The following CDH4 variants were observed in gnomAD, a reference collection of about 807,000 sequenced individuals.
CDH4 encodes the protein cadherin-4.
CDH4 carries 33 observed loss-of-function variants against 86.0 expected under a neutral mutation model. The observed-to-expected ratio is 0.38, with a 90% confidence interval of 0.29 to 0.51. The LOEUF (loss-of-function observed/expected upper bound fraction) is 0.51, where lower values mean the gene tolerates loss of function less well. CDH4 is among the 20% of genes least tolerant of loss of function. CDH4 has a pLI of 0.86. For synonymous variants in CDH4, 555 were observed against 549.4 expected, an observed-to-expected ratio of 1.01 and a Z score of -0.14; for missense variants, 1,114 against 1,307.4, an observed-to-expected ratio of 0.85 and a Z score of 2.28.
At chr20:61,553,022 A>G (rs1022366472) in intron 2 of CDH4, among the ~76,000 whole-genome samples, 2 of 152,256 alleles carry the variant, frequency 1.3e-5, no homozygotes, top group African/African-American at 4.8e-5. Context: ...ATAGTAGTCA[A>G]ACAGTGGAAA....
intron 2 of CDH4, among the ~76,000 whole-genome samples, chr20:61,737,766 C>T (rs1271066909): frequency 6.6e-6 from 1 of 152,200 alleles, no homozygotes; most frequent in Non-Finnish European, 1.5e-5. Context: ...AGGTACTGAG[C>T]AAAGGGATCA....
rs151062737 is a variant in CDH4, at chr20:61,747,257, G to A, written c.396+3468G>A. Among the ~76,000 whole-genome samples the A allele has an allele frequency of 9.2e-3, 1,405 of 152,166 alleles. 23 individuals are homozygous for A. Among genetic ancestry groups the A allele is most frequent in the African/African-American group, 0.031 (1,304 of 41,514 alleles). On this transcript the variant is annotated intron_variant, in intron 3 of 15. Coordinates refer to ENST00000614565, the MANE Select transcript of CDH4 (RefSeq NM_001794.5). Reference sequence around the variant, plus strand: ...GAGATCGAGACCATCTGGCTAACACGGTGAAACTCTGTCTCTACTAAAAAT... The same window carrying A: ...GAGATCGAGACCATCTGGCTAACACAGTGAAACTCTGTCTCTACTAAAAAT...
intron 2 of CDH4, among the ~76,000 whole-genome samples, chr20:61,539,669 A>C (rs2086024600): frequency 6.6e-6 from 1 of 152,224 alleles, no homozygotes; most frequent in African/African-American, 2.4e-5. Context: ...TCAGCAAGGC[A>C]GCCACAGAGC....
At chr20:61,408,609 C>T (rs1469365257) in intron 2 of CDH4, among the ~76,000 whole-genome samples, 1 of 152,080 alleles carries the variant, frequency 6.6e-6, no homozygotes, top group East Asian at 1.9e-4. Context: ...ATAACCAGGC[C>T]CTGTGTTAGT....
chr20:61,877,382 C>G (rs1189445952), intron 7 of CDH4, among the ~76,000 whole-genome samples: 1 of 140,538 alleles, frequency 7.1e-6, no homozygotes, highest in East Asian at 2.5e-4. Flanking sequence ...CCACCCCCCG[C>G]TGTCGGCAGC....
In CDH4 at chr20:61,663,006, T is replaced by C. The variant is rs995144627; in HGVS notation, c.170-80557T>C. Among the ~76,000 whole-genome samples, 1 of 152,120 alleles carries C rather than the reference T, an allele frequency of 6.6e-6. No individual in the cohort carries two copies. Among genetic ancestry groups the C allele is most frequent in the African/African-American group, 2.4e-5 (1 of 41,432 alleles). The stretch of plus-strand genomic sequence containing the variant: ...CTCCTCCTCCCCTCCCCACAGGCAC[T>C]GGCACAGCGGCCCGGGGTAGAACCC... On this transcript the variant is annotated intron_variant, in intron 2 of 15. Transcript: ENST00000614565. This position sits in a 1 kb window ranked among gnomAD's most constrained non-coding sequence, Gnocchi z 5.0.
intron 2 of CDH4, among the ~76,000 whole-genome samples, chr20:61,619,468 A>G (rs957709998): frequency 2.6e-5 from 4 of 152,208 alleles, no homozygotes; most frequent in African/African-American, 9.7e-5. Context: ...TAAAAGCAAA[A>G]TGATGATTAG....
At chr20:61,844,499 C>T (rs1044052532) in intron 4 of CDH4, among the ~76,000 whole-genome samples, 169 bp from the exon 5 acceptor site, 5 of 152,106 alleles carry the variant, frequency 3.3e-5, no homozygotes, top group Non-Finnish European at 5.9e-5. Context: ...CCCTGACCAC[C>T]GACTGTCCTT....
At chr20:61,545,378 C>G (rs975963067) in intron 2 of CDH4, among the ~76,000 whole-genome samples, 7 of 152,230 alleles carry the variant, frequency 4.6e-5, no homozygotes, top group Non-Finnish European at 1.0e-4. Context: ...CTTTGGCCAG[C>G]CTGTCGGAGT....
At chr20:61,304,569 G>GA (rs949326542) in intron 2 of CDH4, among the ~76,000 whole-genome samples, 25 of 152,130 alleles carry the variant, frequency 1.6e-4, no homozygotes, top group African/African-American at 4.3e-4. Flanking sequence ...TTTGAACTCT[G>GA]AATTGTACTA....
intron 2 of CDH4, among the ~76,000 whole-genome samples, chr20:61,593,210 C>T (rs1389303615): frequency 2.0e-5 from 3 of 152,236 alleles, no homozygotes; most frequent in East Asian, 1.9e-4. Flanking sequence ...AACTCACACA[C>T]GCTCATGGGC....
intron 2 of CDH4, among the ~76,000 whole-genome samples, chr20:61,286,433 C>T (rs762948294): frequency 1.5e-4 from 23 of 152,230 alleles, no homozygotes; most frequent in Non-Finnish European, 2.5e-4. Flanking sequence ...CCAGACCCAG[C>T]CACCGCAGCT....
intron 2 of CDH4, among the ~76,000 whole-genome samples, chr20:61,498,876 C>A (rs1054190769): frequency 6.6e-6 from 1 of 152,210 alleles, no homozygotes; most frequent in African/African-American, 2.4e-5. Context: ...GATGAGTTTG[C>A]CCTAGCCCTT....
At chr20:61,546,705 C>T (rs2086089742) in intron 2 of CDH4, among the ~76,000 whole-genome samples, 1 of 151,934 alleles carries the variant, frequency 6.6e-6, no homozygotes, top group Non-Finnish European at 1.5e-5. Context: ...ATGAAGCTGG[C>T]CTAGGTCTGA....
intron 2 of CDH4, among the ~76,000 whole-genome samples, chr20:61,342,540 C>T (rs1432627960): frequency 1.3e-5 from 2 of 152,170 alleles, no homozygotes; most frequent in Non-Finnish European, 2.9e-5. Context: ...GGAGCTCAGG[C>T]GAGAATGTGA....
intron 2 of CDH4, among the ~76,000 whole-genome samples, chr20:61,573,872 C>T (rs2086363400): frequency 6.6e-6 from 1 of 152,214 alleles, no homozygotes; most frequent in South Asian, 2.1e-4. Flanking sequence ...GTGCTGATAA[C>T]ATCTTGAGCC....
intron 4 of CDH4, among the ~76,000 whole-genome samples, chr20:61,823,553 T>C (rs1981164803): frequency 6.6e-6 from 1 of 152,296 alleles, no homozygotes; most frequent in Middle Eastern, 3.4e-3. Context: ...ATACCCACTT[T>C]ATAGATGAGG....
At chr20:61,384,990 T>G (rs895917926) in intron 2 of CDH4, among the ~76,000 whole-genome samples, 3 of 152,196 alleles carry the variant, frequency 2.0e-5, no homozygotes. Context: ...ATATCACTGG[T>G]GAGAATCTTC....
chr20:61,504,812 G>C (rs188936038), intron 2 of CDH4, among the ~76,000 whole-genome samples: 1 of 152,182 alleles, frequency 6.6e-6, no homozygotes, highest in African/African-American at 2.4e-5. Context: ...CCTTGATCTC[G>C]GCACAGAGTT....
Sources: allele counts gnomAD v4.1 joint callset (sites outside exome capture counted in the v4.1 genomes callset), GRCh38; gene constraint gnomAD v4.1.1; non-coding constraint Gnocchi (gnomAD v3.1); transcripts MANE v1.5; gene names NCBI Gene and HGNC (gene_info 2026-07-23, HGNC 2026-07-21).